The following CMC1 variants were observed in gnomAD, a reference collection of about 807,000 sequenced individuals.
CMC1 encodes the protein C-X9-C motif containing 1.
Under a neutral mutation model 14.1 loss-of-function variants are expected in CMC1, and 14 were observed. The observed-to-expected ratio is 0.99, with a 90% CI of 0.66 to 1.55. The LOEUF is 1.55. Ranked by LOEUF, CMC1 falls within the 40% of genes most tolerant of loss-of-function variation. CMC1 has a pLI of 0.00. For missense variants in CMC1, 127 were observed against 123.8 expected (o/e 1.03, Z -0.12); for synonymous variants, 50 against 38.4 (o/e 1.30, Z -1.12).
intron 2 of CMC1, among the ~76,000 whole-genome samples, chr3:28,300,962 A>T (rs1702014335): frequency 7.4e-6 from 1 of 135,984 alleles, no homozygotes; most frequent in South Asian, 2.8e-4. Flanking sequence ...CAGAAATGAT[A>T]ACGTTCTGTA....
At chr3:28,259,615 G>A (rs546372672) in intron 1 of CMC1, among the ~76,000 whole-genome samples, 3 of 152,014 alleles carry the variant, frequency 2.0e-5, no homozygotes, top group South Asian at 4.2e-4. Flanking sequence ...TGCATCATGA[G>A]GATTTTCTCC....
chr3:28,287,214 C>T (rs976047038), intron 2 of CMC1, among the ~76,000 whole-genome samples: 1 of 152,140 alleles, frequency 6.6e-6, no homozygotes, highest in African/African-American at 2.4e-5. Flanking sequence ...ATCCTCTCTA[C>T]GTTTTATGAG....
Position 28,324,500 on chromosome 3 carries a change from G to C in CMC1, c.*4871G>C. 7.2e-7 allele frequency: 1 copy of C among 1,393,850 alleles called. No individual in the cohort carries two copies. Among genetic ancestry groups the C allele is most frequent in the African/African-American group, 1.4e-5 (1 of 69,626 alleles). The allele number at this position is 1,393,850 out of a possible 1,614,324, so 86.3% of individuals were successfully genotyped here. On this transcript the variant is annotated 3_prime_UTR_variant, in exon 4 of 4. Coordinates refer to ENST00000466830, the MANE Select transcript of CMC1 (RefSeq NM_182523.2). The stretch of plus-strand genomic sequence containing the variant: ...AAATGTCAGTTTTCATTACATTTGT[G>C]ATCATAAAATTCGATAACACTTCAC...
At position 28,324,100 on chromosome 3, in the gene CMC1, T is replaced by G. The variant is rs750058248; in HGVS notation, c.*4471T>G. 1 of 1,609,966 alleles carries G rather than the reference T, an allele frequency of 6.2e-7. No homozygotes were observed. The highest frequency in any genetic ancestry group is 1.7e-5 in the Admixed American group (1 of 59,716). On this transcript the variant is annotated 3_prime_UTR_variant, in exon 4 of 4. Coordinates refer to ENST00000466830, the MANE Select transcript of CMC1 (RefSeq NM_182523.2). ...ATCCAAGTAATGCAGTGGTGGAAGG[T>G]TGGGTAAAGGCAAAGTTTTAGTTTT... is the stretch of plus-strand genomic sequence containing the variant.
chr3:28,278,042 G>C (rs978572767), intron 2 of CMC1, among the ~76,000 whole-genome samples: 2 of 100,150 alleles, frequency 2.0e-5, no homozygotes, highest in African/African-American at 3.9e-5. Flanking sequence ...CACCATTTTT[G>C]TCTGATTGTG....
intron 1 of CMC1, among the ~76,000 whole-genome samples, chr3:28,255,562 T>A (rs932331819): frequency 6.6e-6 from 1 of 151,980 alleles, no homozygotes. Context: ...CGGTAGCTTC[T>A]GGCAAAGCTA....
At chr3:28,293,307 C>CCT (rs1559430454) in intron 2 of CMC1, among the ~76,000 whole-genome samples, 18 of 139,936 alleles carry the variant, frequency 1.3e-4, no homozygotes, top group Non-Finnish European at 7.8e-5. Context: ...AATAGAGGGA[C>CCT]TTTTTTTTTT....
At chr3:28,292,384 T>C (rs1701518207) in intron 2 of CMC1, among the ~76,000 whole-genome samples, 1 of 152,114 alleles carries the variant, frequency 6.6e-6, no homozygotes, top group South Asian at 2.1e-4. Flanking sequence ...TAGTTTTTTC[T>C]ATCTAGAAAA....
intron 2 of CMC1, among the ~76,000 whole-genome samples, chr3:28,275,241 G>A (rs1301396236): frequency 2.7e-5 from 4 of 150,690 alleles, no homozygotes; most frequent in Admixed American, 1.3e-4. Flanking sequence ...ATCTAGCTTC[G>A]GTCTTTGATG....
At chr3:28,275,637 C>T (rs569495009) in intron 2 of CMC1, among the ~76,000 whole-genome samples, 4 of 152,150 alleles carry the variant, frequency 2.6e-5, no homozygotes, top group Non-Finnish European at 4.4e-5. Flanking sequence ...CTGGCTGCCC[C>T]TTGGTGCAGG....
intron 1 of CMC1, among the ~76,000 whole-genome samples, chr3:28,262,388 T>G (rs753803659): frequency 3.3e-5 from 5 of 152,020 alleles, no homozygotes; most frequent in Non-Finnish European, 7.4e-5. Flanking sequence ...AACTTTCTGG[T>G]CTTTTGGGGA....
chr3:28,301,168 G>A (rs1009499412), intron 2 of CMC1, among the ~76,000 whole-genome samples: 5 of 152,136 alleles, frequency 3.3e-5, no homozygotes, highest in African/African-American at 1.2e-4. Context: ...GACAAGATGA[G>A]GAATGGCTAA....
chr3:28,280,736 G>A (rs191152805), intron 2 of CMC1, among the ~76,000 whole-genome samples: 4 of 152,284 alleles, frequency 2.6e-5, no homozygotes, highest in East Asian at 1.9e-4. Flanking sequence ...TGTCAGCAGA[G>A]TCCGATTGCT....
At chr3:28,273,948 G>A (rs931513927) in intron 2 of CMC1, among the ~76,000 whole-genome samples, 3 of 152,040 alleles carry the variant, frequency 2.0e-5, no homozygotes, top group Admixed American at 2.0e-4. Flanking sequence ...TTGGTAAATT[G>A]TCCTCCATTC....
intron 1 of CMC1, among the ~76,000 whole-genome samples, chr3:28,254,980 C>T (rs540867822): frequency 6.6e-6 from 1 of 152,300 alleles, no homozygotes; most frequent in East Asian, 1.9e-4. Flanking sequence ...TTCCACTCTA[C>T]AAGATGTGTC....
chr3:28,287,730 T>G (rs1315742080), intron 2 of CMC1, among the ~76,000 whole-genome samples: 3 of 151,880 alleles, frequency 2.0e-5, no homozygotes, highest in Non-Finnish European at 4.4e-5. Flanking sequence ...CTTTTCTATT[T>G]TTTTCCTGAT....
At chr3:28,280,011 A>G (rs575131642) in intron 2 of CMC1, among the ~76,000 whole-genome samples, 1 of 152,356 alleles carries the variant, frequency 6.6e-6, no homozygotes, top group South Asian at 2.1e-4. Context: ...AATAGCCCAG[A>G]TTCGTCTCAA....
At chr3:28,300,796 A>G (rs933179889) in intron 2 of CMC1, among the ~76,000 whole-genome samples, 1 of 149,066 alleles carries the variant, frequency 6.7e-6, no homozygotes, top group African/African-American at 2.5e-5. Flanking sequence ...AGAGTACCAA[A>G]CCACAATACA....
intron 2 of CMC1, among the ~76,000 whole-genome samples, chr3:28,306,640 A>G (rs1702325147): frequency 6.6e-6 from 1 of 151,694 alleles, no homozygotes; most frequent in South Asian, 2.1e-4. Context: ...CTTTAAAATG[A>G]AGAATTTTTT....
Sources: allele counts gnomAD v4.1 joint callset (sites outside exome capture counted in the v4.1 genomes callset), GRCh38; gene constraint gnomAD v4.1.1; transcripts MANE v1.5; gene names NCBI Gene and HGNC (gene_info 2026-07-23, HGNC 2026-07-21).